Variants in TNFRSF8 observed in about 807,000 individuals in gnomAD.
The protein encoded by TNFRSF8 is tumor necrosis factor receptor superfamily member 8.
In TNFRSF8, 26 loss-of-function variants were observed where a neutral mutation model predicts 70.8. That is an observed-to-expected ratio of 0.37 (90% CI 0.27 to 0.51). TNFRSF8 has a LOEUF of 0.51. Ranked by LOEUF, TNFRSF8 falls within the 20% of genes least tolerant of loss-of-function variation. The pLI is 0.94. For synonymous variants in TNFRSF8, 356 were observed against 339.2 expected (o/e 1.05, Z -0.54); for missense variants, 720 against 807.9 (o/e 0.89, Z 1.32).
intron 2 of TNFRSF8, among the ~76,000 whole-genome samples, chr1:12,092,528 G>A (rs1281010497): frequency 7.3e-6 from 1 of 137,036 alleles, no homozygotes; most frequent in South Asian, 2.3e-4. Context: ...TTTTTTTTGA[G>A]ACAGAGTCTC....
chr1:12,084,707 A>T (rs991852697), intron 2 of TNFRSF8, among the ~76,000 whole-genome samples, 156 bp downstream of exon 2: 1 of 151,836 alleles, frequency 6.6e-6, no homozygotes, highest in Non-Finnish European at 1.5e-5. Flanking sequence ...GCGGAGTCCA[A>T]GGACTCTCTC....
Position 12,135,576 on chromosome 1 carries a change from T to A in TNFRSF8, c.1310-12T>A. 6.2e-7 allele frequency: 1 copy of A among 1,614,116 alleles called. No individual in the cohort carries two copies. The highest frequency in any genetic ancestry group is 8.5e-7 in the Non-Finnish European group (1 of 1,180,014). ...GACTCCTTGGTGAAGTTGCTGCTCTTGCTTTTTGCAGATTCCAGACCCAGG... is the reference window on the plus strand; with the variant it reads ...GACTCCTTGGTGAAGTTGCTGCTCTAGCTTTTTGCAGATTCCAGACCCAGG... On this transcript the variant is annotated splice_polypyrimidine_tract_variant and intron_variant, in intron 12 of 14. Transcript: ENST00000263932.
chr1:12,107,366 A>T (rs1300519646), intron 4 of TNFRSF8, among the ~76,000 whole-genome samples: 1 of 151,918 alleles, frequency 6.6e-6, no homozygotes, highest in Non-Finnish European at 1.5e-5. Context: ...CTGCACTCCA[A>T]CCTGGGCGAC....
At position 12,142,490 on chromosome 1, in the gene TNFRSF8, G is replaced by A. The variant is rs756480391; in HGVS notation, c.1747G>A (p.Gly583Arg). The A allele has an allele frequency of 1.9e-6, 3 of 1,596,598 alleles. No homozygotes were observed. The highest frequency in any genetic ancestry group is 8.5e-7 in the Non-Finnish European group (1 of 1,171,828). The change falls in exon 15 of 15, where the codon GGG becomes AGG. Residue 583 changes from glycine (G) to arginine (R), a missense_variant. Gly to Arg is a moderately radical substitution (Grantham distance 125, BLOSUM62 -2). Transcript: ENST00000263932. The surrounding 1 kb of genome is among the most constrained non-coding windows in gnomAD (Gnocchi z 5.0). ...SDVMLSVEEEGKEDPLPTAAS... is the reference protein window; with the variant it reads ...SDVMLSVEEERKEDPLPTAAS... Reference sequence around the variant, plus strand: ...TGTCATGCTCTCAGTGGAAGAGGAAGGGAAAGAAGACCCCTTGCCCACAGC... The same window carrying A: ...TGTCATGCTCTCAGTGGAAGAGGAAAGGAAAGAAGACCCCTTGCCCACAGC...
At position 12,142,125 on chromosome 1, in the gene TNFRSF8, A is replaced by G. The variant is rs1025920785; in HGVS notation, c.1544-162A>G. Among the ~76,000 whole-genome samples the G allele has an allele frequency of 6.6e-6, 1 of 152,152 alleles. No individual in the cohort carries two copies. The highest frequency in any genetic ancestry group is 2.4e-5 in the African/African-American group (1 of 41,430). ...GCTCCTAGCTGTTCTATTTCCTCTG[A>G]GCCCCCAGGATGCCTGTAAGGTACA... On this transcript the variant is annotated intron_variant, in intron 14 of 14. Coordinates refer to ENST00000263932, the MANE Select transcript of TNFRSF8 (RefSeq NM_001243.5). The surrounding 1 kb of genome is among the most constrained non-coding windows in gnomAD (Gnocchi z 5.0).
chr1:12,123,484 C>T, intron 9 of TNFRSF8, 107 bp downstream of exon 9: 1 of 1,128,118 alleles, frequency 8.9e-7, no homozygotes, highest in Non-Finnish European at 1.3e-6. Flanking sequence ...GGAGGTGGGG[C>T]CTGGGCTGCT....
At position 12,084,268 on chromosome 1, in the gene TNFRSF8, G is replaced by A. The variant is rs111466697; in HGVS notation, c.64-196G>A. ...TTGAGAGGAGAGAGTCAAGGGAGACGCTAAAGTTTCTGGCCTGAGCTGGAG... is the reference window on the plus strand; with the variant it reads ...TTGAGAGGAGAGAGTCAAGGGAGACACTAAAGTTTCTGGCCTGAGCTGGAG... On this transcript the variant is annotated intron_variant, in intron 1 of 14. Transcript: ENST00000263932. 2.0e-3 allele frequency among the ~76,000 whole-genome samples: 301 copies of A among 152,214 alleles called. 2 individuals are homozygous for A. The highest frequency in any genetic ancestry group is 3.0e-3 in the Non-Finnish European group (204 of 68,016).
rs752288385 is a variant in TNFRSF8 at position 12,138,931 on chromosome 1, C to T, written c.1543+495C>T. Among the ~76,000 whole-genome samples, 22 of 152,168 alleles carry T rather than the reference C, an allele frequency of 1.4e-4. No individual in the cohort carries two copies. Among genetic ancestry groups the T allele is most frequent in the Non-Finnish European group, 2.6e-4 (18 of 68,026 alleles). On this transcript the variant is annotated intron_variant, in intron 14 of 14. Transcript: ENST00000263932. The surrounding 1 kb of genome is among the most constrained non-coding windows in gnomAD (Gnocchi z 5.7). The stretch of plus-strand genomic sequence containing the variant: ...GCTACTAAGTGGCACAGCTGGAACT[C>T]GTCCCGCATCTGCTGGGCCTTGAAG...
chr1:12,137,314 AAAT>A (rs199924980), intron 13 of TNFRSF8, among the ~76,000 whole-genome samples: 14 of 100,018 alleles, frequency 1.4e-4, no homozygotes, highest in Non-Finnish European at 2.9e-4. Context: ...AAAAAGTAAA[AAAT>A]AATAATAATA....
chr1:12,075,257 T>C (rs1406726651), intron 1 of TNFRSF8, among the ~76,000 whole-genome samples: 3 of 151,162 alleles, frequency 2.0e-5, no homozygotes, highest in Non-Finnish European at 4.4e-5. Context: ...AAAAATTTTT[T>C]TTTTTTTTTA....
At chr1:12,111,522 C>T (rs375720006) in intron 6 of TNFRSF8, among the ~76,000 whole-genome samples, 1 of 152,098 alleles carries the variant, frequency 6.6e-6, no homozygotes, top group East Asian at 1.9e-4. Context: ...GGCACCCAGC[C>T]CCTCCCTGCC....
intron 1 of TNFRSF8, among the ~76,000 whole-genome samples, chr1:12,072,242 G>A (rs574257915): frequency 6.6e-6 from 1 of 152,292 alleles, no homozygotes; most frequent in South Asian, 2.1e-4. Context: ...TGCAAATAAA[G>A]GTGAGCCTTA....
At chr1:12,124,778 C>T (rs1641900561) in intron 10 of TNFRSF8, among the ~76,000 whole-genome samples, 1 of 151,980 alleles carries the variant, frequency 6.6e-6, no homozygotes, top group East Asian at 1.9e-4. Flanking sequence ...TGCAGTGAGC[C>T]GAGATTGCAC....
In TNFRSF8 at chr1:12,110,218, G is replaced by A. The variant is rs1298310316; in HGVS notation, c.676+14G>A. ...GTTCAGATCCAGGTAATTTCCCCAT[G>A]AAGCTGTGGGTCGTCTCCCTGGGGT... On this transcript the variant is annotated intron_variant, in intron 6 of 14. Transcript: ENST00000263932. The surrounding 1 kb of genome is among the most constrained non-coding windows in gnomAD (Gnocchi z 4.0). 2 of 1,568,092 alleles carry A rather than the reference G, an allele frequency of 1.3e-6. No individual in the cohort carries two copies. Among genetic ancestry groups the A allele is most frequent in the Non-Finnish European group, 1.7e-6 (2 of 1,154,894 alleles).
chr1:12,075,534 C>T (rs1640929612), intron 1 of TNFRSF8, among the ~76,000 whole-genome samples: 1 of 152,166 alleles, frequency 6.6e-6, no homozygotes, highest in African/African-American at 2.4e-5. Flanking sequence ...TTTAAGTTCC[C>T]TTAAATTGCA....
intron 12 of TNFRSF8, among the ~76,000 whole-genome samples, chr1:12,127,536 C>T (rs11569921): frequency 0.029 from 4,427 of 152,360 alleles, 197 homozygotes; most frequent in African/African-American, 0.1. Flanking sequence ...GGCCCTGGCC[C>T]GTCCCCTGAT....
chr1:12,092,740 C>A (rs1307024711), intron 2 of TNFRSF8, among the ~76,000 whole-genome samples: 1 of 152,026 alleles, frequency 6.6e-6, no homozygotes, highest in African/African-American at 2.4e-5. Flanking sequence ...GATCTCCTGA[C>A]CTCGTGATCC....
chr1:12,121,153 T>G (rs759098087), intron 8 of TNFRSF8, among the ~76,000 whole-genome samples: 1 of 152,158 alleles, frequency 6.6e-6, no homozygotes, highest in Non-Finnish European at 1.5e-5. Context: ...AAATACTGAT[T>G]AACGAGCATG....
chr1:12,085,991 G>A (rs147005053), intron 2 of TNFRSF8, among the ~76,000 whole-genome samples: 14 of 152,296 alleles, frequency 9.2e-5, no homozygotes, highest in Middle Eastern at 6.8e-3. Context: ...GTTCATCATC[G>A]CCACTTCTTG....
Sources: allele counts gnomAD v4.1 joint callset (sites outside exome capture counted in the v4.1 genomes callset), GRCh38; gene constraint gnomAD v4.1.1; non-coding constraint Gnocchi (gnomAD v3.1); transcripts MANE v1.5; gene names NCBI Gene and HGNC (gene_info 2026-07-23, HGNC 2026-07-21).